ABLIM2: variants seen among roughly 807,000 people sequenced by gnomAD.
ABLIM2 encodes the protein actin binding LIM protein family member 2.
ABLIM2 carries 53 observed loss-of-function variants against 97.7 expected under a neutral mutation model. That is an observed-to-expected ratio of 0.54 (90% CI 0.44 to 0.68). The LOEUF is 0.68. Among genes scored for constraint, ABLIM2 ranks in the 30% least tolerant of loss-of-function variants. The pLI is 0.00. For synonymous variants in ABLIM2, 361 were observed against 345.8 expected, an observed-to-expected ratio of 1.04 and a Z score of -0.49; for missense variants, 835 against 867.2, an observed-to-expected ratio of 0.96 and a Z score of 0.47.
In ABLIM2 at chr4:7,986,694, A is replaced by G. The variant is rs886579048; in HGVS notation, c.1681-1801T>C. Among the ~76,000 whole-genome samples the G allele has an allele frequency of 1.3e-5, 2 of 151,964 alleles. No individual in the cohort carries two copies. Among genetic ancestry groups the G allele is most frequent in the Non-Finnish European group, 2.9e-5 (2 of 68,006 alleles). ...AAAGAATTTCTTTTTTTTCTTTGAG[A>G]CAGAGTCTTGCTCTGTCAGCCAAGC... On this transcript the variant is annotated intron_variant, in intron 17 of 20. Transcript: ENST00000447017. The surrounding 1 kb of genome is among the most constrained non-coding windows in gnomAD (Gnocchi z 4.3).
Position 8,022,101 on chromosome 4 carries a change from C to T in ABLIM2, c.1268-1798G>A, listed in dbSNP as rs62290636. Among the ~76,000 whole-genome samples, 1 of 152,136 alleles carries T rather than the reference C, an allele frequency of 6.6e-6. No individual in the cohort carries two copies. The highest frequency in any genetic ancestry group is 2.1e-4 in the South Asian group (1 of 4,828). On this transcript the variant is annotated intron_variant, in intron 12 of 20. Transcript: ENST00000447017. This position sits in a 1 kb window ranked among gnomAD's most constrained non-coding sequence, Gnocchi z 7.8. Reference sequence around the variant, plus strand: ...TACGGCTGTGCTGGACCCATCCCCACTGGCAGCAAAACAGGGCAGGTTTTA... The same window carrying T: ...TACGGCTGTGCTGGACCCATCCCCATTGGCAGCAAAACAGGGCAGGTTTTA...
chr4:8,050,851 C>T (rs766500409), intron 8 of ABLIM2, among the ~76,000 whole-genome samples: 1 of 152,240 alleles, frequency 6.6e-6, no homozygotes, highest in Non-Finnish European at 1.5e-5. Flanking sequence ...GCCTGCGCCG[C>T]CTCCTCCCTG....
At position 8,150,907 on chromosome 4, in the gene ABLIM2, C is replaced by T. The variant is rs141948062; in HGVS notation, c.10+7773G>A. 9.3e-3 allele frequency among the ~76,000 whole-genome samples: 1,413 copies of T among 152,200 alleles called. 27 individuals are homozygous for T. The highest frequency in any genetic ancestry group is 0.031 in the African/African-American group (1,301 of 41,524). On this transcript the variant is annotated intron_variant, in intron 1 of 20. Transcript: ENST00000447017. The surrounding 1 kb of genome is among the most constrained non-coding windows in gnomAD (Gnocchi z 6.3). ...GCTGATGATGCCAAAGCGGCTCCCA[C>T]GGGGCACGACGTCAGGTTTGTCCCT...
At chr4:8,050,722 C>T (rs1437384489) in intron 8 of ABLIM2, among the ~76,000 whole-genome samples, 1 of 148,050 alleles carries the variant, frequency 6.8e-6, no homozygotes, top group Non-Finnish European at 1.5e-5. Flanking sequence ...ACCCCCAGGC[C>T]AGGAAGCGCC....
chr4:8,151,638 C>A (rs553704710), intron 1 of ABLIM2, among the ~76,000 whole-genome samples: 1 of 152,028 alleles, frequency 6.6e-6, no homozygotes, highest in Non-Finnish European at 1.5e-5. Flanking sequence ...CGGGGTGGGG[C>A]GGTGGTGTCA....
chr4:8,003,169 C>T lies in ABLIM2; in HGVS notation c.1618+4890G>A, dbSNP rs144570752. Among the ~76,000 whole-genome samples the T allele has an allele frequency of 1.2e-3, 185 of 152,288 alleles. No individual in the cohort carries two copies. Among genetic ancestry groups the T allele is most frequent in the African/African-American group, 3.8e-3 (160 of 41,560 alleles). On this transcript the variant is annotated intron_variant, in intron 16 of 20. Transcript: ENST00000447017. This position sits in a 1 kb window ranked among gnomAD's most constrained non-coding sequence, Gnocchi z 4.2. ...CACGGGCTCATCATATCCCATAAAC[C>T]CAGTAAGATGAGAAGATCAAAAGTC...
intron 14 of ABLIM2, among the ~76,000 whole-genome samples, chr4:8,018,131 T>C (rs879379996): frequency 1.3e-5 from 2 of 152,224 alleles, no homozygotes; most frequent in Non-Finnish European, 2.9e-5. Flanking sequence ...AACAATTTCA[T>C]AACCTGGTTT....
chr4:7,966,517 T>G lies in ABLIM2; in HGVS notation c.*473A>C, dbSNP rs1723037225. The G allele has an allele frequency of 1.2e-5, 2 of 162,570 alleles. No homozygotes were observed. Among genetic ancestry groups the G allele is most frequent in the South Asian group, 1.8e-4 (1 of 5,550 alleles). 10.1% of individuals were successfully genotyped at this position (162,570 alleles called of 1,614,324 possible). A position where few individuals can be genotyped will look rare whatever the true frequency, so the allele number is the denominator to read the frequency against. On this transcript the variant is annotated 3_prime_UTR_variant, in exon 21 of 21. Transcript: ENST00000447017. ...TGTCCCAGACGCTCACTGCCCCGTC[T>G]GCGAGTCTGCCTGTGAGGCCAGGCT...
At chr4:8,102,655 G>T (rs1036718897) in intron 2 of ABLIM2, among the ~76,000 whole-genome samples, 2 of 152,328 alleles carry the variant, frequency 1.3e-5, no homozygotes, top group East Asian at 3.9e-4. Context: ...GGGCAGCCAC[G>T]GACAAGAGGA....
intron 6 of ABLIM2, chr4:8,066,721 G>C (rs979149124): frequency 6.6e-6 from 1 of 152,120 alleles, no homozygotes; most frequent in African/African-American, 2.4e-5. Flanking sequence ...ACAGAAAGCA[G>C]GTGAGTGGCT....
At position 7,996,320 on chromosome 4, in the gene ABLIM2, C is replaced by A. The variant is rs747726703; in HGVS notation, c.1619-3393G>T. On this transcript the variant is annotated intron_variant, in intron 16 of 20. Coordinates refer to ENST00000447017, the MANE Select transcript of ABLIM2 (RefSeq NM_001130083.2). The surrounding 1 kb of genome is among the most constrained non-coding windows in gnomAD (Gnocchi z 4.5). ...CTACTGCCTCGAGAACAGAGAACAC[C>A]CTTGGTGGTGTCCTGCACCCCTCTT... Among the ~76,000 whole-genome samples the A allele has an allele frequency of 6.6e-6, 1 of 152,186 alleles. No homozygotes were observed. The highest frequency in any genetic ancestry group is 1.5e-5 in the Non-Finnish European group (1 of 68,032).
intron 1 of ABLIM2, among the ~76,000 whole-genome samples, chr4:8,126,455 A>C (rs1578369797): frequency 4.6e-4 from 26 of 56,592 alleles, no homozygotes; most frequent in African/African-American, 7.8e-4. Flanking sequence ...CCCTCATCTC[A>C]CTCCCCCTGC....
chr4:8,009,189 A>C, intron 14 of ABLIM2, 87 bp from the exon 15 acceptor site: 15 of 1,511,166 alleles, frequency 9.9e-6, no homozygotes, highest in Non-Finnish European at 1.4e-5. Context: ...AGTTATGCTC[A>C]AAAATGAAAA....
At chr4:8,014,816 A>G (rs1336643448) in intron 14 of ABLIM2, among the ~76,000 whole-genome samples, 1 of 152,204 alleles carries the variant, frequency 6.6e-6, no homozygotes, top group Non-Finnish European at 1.5e-5. Context: ...ACTGCAGAGG[A>G]CAAGGAAAGT....
intron 2 of ABLIM2, among the ~76,000 whole-genome samples, chr4:8,099,240 C>T (rs1476343323): frequency 2.6e-5 from 4 of 152,248 alleles, no homozygotes; most frequent in Non-Finnish European, 5.9e-5. Flanking sequence ...GGGGGCCTCA[C>T]TTTGGAGCAT....
Position 8,097,258 on chromosome 4 carries a change from C to T in ABLIM2, c.179G>A (p.Gly60Asp). ...CKACGCDLAE[G>D]GFFVRQGEYI... ...CTCGCCCTGCCGCACGAAGAAGCCGCCCTCGGCCAGGTCGCAGCCACATGC... is the reference window on the plus strand; with the variant it reads ...CTCGCCCTGCCGCACGAAGAAGCCGTCCTCGGCCAGGTCGCAGCCACATGC... The change falls in exon 3 of 21, where the codon GGC becomes GAC. Residue 60 changes from glycine (G) to aspartate (D), a missense_variant. Transcript: ENST00000447017. 1 of 1,567,870 alleles carries T rather than the reference C, an allele frequency of 6.4e-7. No individual in the cohort carries two copies. Among genetic ancestry groups the T allele is most frequent in the Non-Finnish European group, 8.6e-7 (1 of 1,157,438 alleles).
chr4:7,976,091 T>C (rs1016400713), intron 20 of ABLIM2, among the ~76,000 whole-genome samples: 3 of 152,172 alleles, frequency 2.0e-5, no homozygotes, highest in Admixed American at 6.5e-5. Context: ...AGTTTGAGAT[T>C]TGTTCTGCAG....
In ABLIM2 at chr4:7,996,889, C is replaced by T. The variant is rs1753707632; in HGVS notation, c.1619-3962G>A. ...AATTGGTGTTTCCCCTCTGTTTTTT[C>T]TCTCTGGTTGCTTTCAACATTTTTT... On this transcript the variant is annotated intron_variant, in intron 16 of 20. Coordinates refer to ENST00000447017, the MANE Select transcript of ABLIM2 (RefSeq NM_001130083.2). This position sits in a 1 kb window ranked among gnomAD's most constrained non-coding sequence, Gnocchi z 4.5. Among the ~76,000 whole-genome samples, 1 of 152,166 alleles carries T rather than the reference C, an allele frequency of 6.6e-6. No homozygotes were observed. The highest frequency in any genetic ancestry group is 1.5e-5 in the Non-Finnish European group (1 of 67,982).
At position 8,085,706 on chromosome 4, in the gene ABLIM2, C is replaced by A. The variant is rs887333847; in HGVS notation, c.454+2463G>T. The stretch of plus-strand genomic sequence containing the variant: ...GGGTCTGGGGGTGCCCACGCTGCAG[C>A]CCCGTCCACTCACGCGGGTCTGGGG... On this transcript the variant is annotated intron_variant, in intron 4 of 20. Coordinates refer to ENST00000447017, the MANE Select transcript of ABLIM2 (RefSeq NM_001130083.2). The surrounding 1 kb of genome is among the most constrained non-coding windows in gnomAD (Gnocchi z 6.1). Among the ~76,000 whole-genome samples, 2 of 151,804 alleles carry A rather than the reference C, an allele frequency of 1.3e-5. No individual in the cohort carries two copies. The highest frequency in any genetic ancestry group is 3.9e-4 in the East Asian group (2 of 5,138).
Sources: allele counts gnomAD v4.1 joint callset (sites outside exome capture counted in the v4.1 genomes callset), GRCh38; gene constraint gnomAD v4.1.1; non-coding constraint Gnocchi (gnomAD v3.1); transcripts MANE v1.5; gene names NCBI Gene and HGNC (gene_info 2026-07-23, HGNC 2026-07-21).